Variants in NRN1 observed in about 807,000 individuals in gnomAD.
The protein encoded by NRN1 is neuritin 1.
Under a neutral mutation model 15.0 loss-of-function variants are expected in NRN1, and 4 were observed. The ratio of observed to expected loss-of-function variants is 0.27; its 90% CI spans 0.13 to 0.61. The LOEUF (loss-of-function observed/expected upper bound fraction) is 0.61, where lower values mean the gene tolerates loss of function less well. Among genes scored for constraint, NRN1 ranks in the 20% least tolerant of loss-of-function variants. The pLI is 0.87. For synonymous variants in NRN1, 85 were observed against 79.8 expected, an observed-to-expected ratio of 1.07 and a Z score of -0.35; for missense variants, 134 against 181.9, an observed-to-expected ratio of 0.74 and a Z score of 1.51.
intron 2 of NRN1, among the ~76,000 whole-genome samples, chr6:6,000,494 T>C (rs1314904659): frequency 6.6e-6 from 1 of 151,988 alleles, no homozygotes; most frequent in Admixed American, 6.6e-5. Context: ...GCCTTCTACA[T>C]GGTTTGGTTG....
chr6:6,002,646 G>A (rs979132652), intron 1 of NRN1, 149 bp from the exon 2 acceptor site: 35 of 1,059,786 alleles, frequency 3.3e-5, no homozygotes, highest in African/African-American at 4.8e-5. Flanking sequence ...AGTGTTAAAG[G>A]TGAATGAAAG....
At chr6:6,006,962 AGG>A (rs11285278), upstream of NRN1, 414 of 151,328 alleles carry the variant, frequency 2.7e-3, no homozygotes, top group East Asian at 4.8e-3. Context: ...AGAGAGGCTG[AGG>A]GGGGGGGGAG....
At chr6:6,002,694 C>A (rs530312884) in intron 1 of NRN1, 197 bp from the exon 2 acceptor site, 13 of 679,160 alleles carry the variant, frequency 1.9e-5, no homozygotes, top group Admixed American at 2.9e-5. Context: ...GCTAACGCTG[C>A]GTCTAGTGCA....
At chr6:6,002,621 G>C (rs1757984659) in intron 1 of NRN1, 124 bp from the exon 2 acceptor site, 3 of 1,286,482 alleles carry the variant, frequency 2.3e-6, no homozygotes, top group Admixed American at 2.3e-5. Context: ...CCAGCGCCCA[G>C]CCTCGGGGCT....
chr6:6,005,611 AC>A (rs1007644397), intron 1 of NRN1, among the ~76,000 whole-genome samples: 2 of 151,552 alleles, frequency 1.3e-5, no homozygotes, highest in Non-Finnish European at 2.9e-5. Flanking sequence ...TACCTAAAGC[AC>A]CCCCTCCCCC....
In NRN1 at chr6:6,003,867, C is replaced by T. The variant is rs1035959200; in HGVS notation, c.56-1370G>A. The stretch of plus-strand genomic sequence containing the variant: ...AAAGGGTGAATCTCAGAATCGAAAT[C>T]CGCACTGGCGCCCACGACCCTGGGC... On this transcript the variant is annotated intron_variant, in intron 1 of 2. Coordinates refer to ENST00000244766, the MANE Select transcript of NRN1 (RefSeq NM_016588.3). 17 of 1,232,078 alleles carry T rather than the reference C, an allele frequency of 1.4e-5. No homozygotes were observed. The African/African-American group carries it at 2.2e-4, about 16-fold the overall frequency. The allele number at this position is 1,232,078 out of a possible 1,614,324, so 76.3% of individuals were successfully genotyped here. A position where few individuals can be genotyped will look rare whatever the true frequency, so the allele number is the denominator to read the frequency against.
intron 2 of NRN1, among the ~76,000 whole-genome samples, chr6:6,000,096 C>G (rs1196625156): frequency 6.6e-6 from 1 of 152,216 alleles, no homozygotes; most frequent in South Asian, 2.1e-4. Context: ...GGGGCTTCCT[C>G]CCCACAGCTT....
intron 1 of NRN1, among the ~76,000 whole-genome samples, chr6:6,004,284 A>G (rs1286254050): frequency 5.3e-5 from 8 of 152,246 alleles, no homozygotes; most frequent in African/African-American, 1.9e-4. Context: ...GAATAAACGA[A>G]TCTTTGTTCT....
Position 5,998,487 on chromosome 6 carries a change from C to T in NRN1, c.*489G>A, listed in dbSNP as rs1376596834. On this transcript the variant is annotated 3_prime_UTR_variant, in exon 3 of 3. Coordinates refer to ENST00000244766, the MANE Select transcript of NRN1 (RefSeq NM_016588.3). ...AAAACAAGATACTGTGGAAGAACGA[C>T]GTGAGCGTGAATTATTCACCGTATG... The T allele has an allele frequency of 6.5e-6, 1 of 153,418 alleles. No individual in the cohort carries two copies. The highest frequency in any genetic ancestry group is 1.5e-5 in the Non-Finnish European group (1 of 68,864). The allele number at this position is 153,418 out of a possible 1,614,324, so 9.5% of individuals were successfully genotyped here.
At position 5,999,045 on chromosome 6, in the gene NRN1, G is replaced by A. The variant is rs759254454; in HGVS notation, c.360C>T (p.Ser120=). Residue 120 remains serine, a synonymous_variant, in exon 3 of 3, where the codon TCC becomes TCT. Coordinates refer to ENST00000244766, the MANE Select transcript of NRN1 (RefSeq NM_016588.3). ...GGAGCACCGGGAACGCCGGGAGCAG[G>A]GACCCCGCCGCCCCGTTGCCGCTGC... ...LCGSGNGAAG[S]LLPAFPVLLV... is the part of the protein sequence containing the mutation. 17 of 1,613,780 alleles carry A rather than the reference G, an allele frequency of 1.1e-5. No homozygotes were observed. The highest frequency in any genetic ancestry group is 5.0e-5 in the Admixed American group (3 of 59,992).
rs145324864 is a variant in NRN1 at position 6,001,947 on chromosome 6, C to A, written c.200+406G>T. ...GTTCTTCAGAGAACACCTGGCAGGT[C>A]ACTCGTTCACGCAAGAGCAAAGAAT... On this transcript the variant is annotated intron_variant, in intron 2 of 2. Transcript: ENST00000244766. 3.0e-3 allele frequency among the ~76,000 whole-genome samples: 463 copies of A among 152,354 alleles called. 2 individuals carry two copies. Among genetic ancestry groups the A allele is most frequent in the African/African-American group, 0.01 (424 of 41,586 alleles).
upstream of NRN1, among the ~76,000 whole-genome samples, chr6:6,007,236 G>GC (rs1241832170): frequency 6.6e-6 from 1 of 151,780 alleles, no homozygotes; most frequent in Non-Finnish European, 1.5e-5. Context: ...CGTTCCGGGG[G>GC]CCCCCCAGCC....
intron 2 of NRN1, among the ~76,000 whole-genome samples, chr6:6,001,705 T>G (rs1369409278): frequency 6.6e-6 from 1 of 152,178 alleles, no homozygotes; most frequent in Non-Finnish European, 1.5e-5. Context: ...CTGGACTCAC[T>G]CTTTTTGGGT....
chr6:6,001,392 A>T (rs1476332787), intron 2 of NRN1, among the ~76,000 whole-genome samples: 1 of 152,202 alleles, frequency 6.6e-6, no homozygotes, highest in African/African-American at 2.4e-5. Flanking sequence ...AAATAAAAGA[A>T]TGGGTGTTGC....
intron 2 of NRN1, among the ~76,000 whole-genome samples, chr6:5,999,907 C>A (rs1239768771): frequency 6.6e-6 from 1 of 152,200 alleles, no homozygotes. Context: ...GGCTCAGATT[C>A]GGCCTGGAGA....
chr6:6,004,219 TA>T (rs1758045643), intron 1 of NRN1, among the ~76,000 whole-genome samples: 1 of 152,180 alleles, frequency 6.6e-6, no homozygotes, highest in South Asian at 2.1e-4. Context: ...CAGCGAACAT[TA>T]AATACCCTTG....
chr6:6,002,630 C>A (rs1757984906), intron 1 of NRN1, 133 bp from the exon 2 acceptor site: 1 of 1,207,246 alleles, frequency 8.3e-7, no homozygotes, highest in Non-Finnish European at 1.1e-6. Flanking sequence ...AGCCTCGGGG[C>A]TCGCCAGTGT....
chr6:6,002,595 C>A, intron 1 of NRN1, 98 bp from the exon 2 acceptor site: 1 of 1,489,518 alleles, frequency 6.7e-7, no homozygotes, highest in Non-Finnish European at 9.0e-7. Flanking sequence ...GGCCTCATCG[C>A]ATCGGGCGGC....
intron 2 of NRN1, 69 bp downstream of exon 2, chr6:6,002,284 G>C (rs1005066137): frequency 1.5e-5 from 24 of 1,563,662 alleles, no homozygotes; most frequent in Non-Finnish European, 1.9e-5. Context: ...CAGGCGGGGA[G>C]GCTCGGCACT....
Sources: allele counts gnomAD v4.1 joint callset (sites outside exome capture counted in the v4.1 genomes callset), GRCh38; gene constraint gnomAD v4.1.1; transcripts MANE v1.5; gene names NCBI Gene and HGNC (gene_info 2026-07-23, HGNC 2026-07-21).